The following ANO2 variants were observed in gnomAD, a reference collection of about 807,000 sequenced individuals.
The protein encoded by ANO2 is anoctamin-2.
A neutral mutation model predicts 124.2 loss-of-function variants in ANO2; 101 were observed. That is an observed-to-expected ratio of 0.81 (90% confidence interval 0.69 to 0.96). The LOEUF is 0.96. Among genes scored for constraint, ANO2 ranks in the 40% least tolerant of loss-of-function variants. ANO2 has a pLI of 0.00. For missense variants in ANO2, 1,293 were observed against 1,274.5 expected, an observed-to-expected ratio of 1.01 and a Z score of -0.22; for synonymous variants, 486 against 482.5, an observed-to-expected ratio of 1.01 and a Z score of -0.09.
At chr12:5,807,541 AC>A (rs1953239055) in intron 7 of ANO2, among the ~76,000 whole-genome samples, 173 bp from the exon 8 acceptor site, 1 of 152,212 alleles carries the variant, frequency 6.6e-6, no homozygotes, top group Admixed American at 6.5e-5. Context: ...TAGTATAAGA[AC>A]AATATTGTTT....
At chr12:5,629,097 AC>A (rs1287932906) in intron 16 of ANO2, among the ~76,000 whole-genome samples, 2 of 151,672 alleles carry the variant, frequency 1.3e-5, no homozygotes, top group African/African-American at 4.8e-5. Context: ...CTTGACTAAT[AC>A]TCTTTTTTCA....
intron 15 of ANO2, among the ~76,000 whole-genome samples, chr12:5,644,445 T>TCTTA (rs112842024): frequency 0.023 from 3,434 of 152,354 alleles, 131 homozygotes; most frequent in African/African-American, 0.079. Flanking sequence ...TCTTGACTAT[T>TCTTA]CTTAGCCTTT....
At chr12:5,870,045 T>C (rs1214824498) in intron 3 of ANO2, among the ~76,000 whole-genome samples, 1 of 152,028 alleles carries the variant, frequency 6.6e-6, no homozygotes, top group Non-Finnish European at 1.5e-5. Context: ...TCTCAGGAGA[T>C]GAAGAGAGTA....
At chr12:5,717,627 A>G (rs1168474592) in intron 14 of ANO2, among the ~76,000 whole-genome samples, 1 of 152,208 alleles carries the variant, frequency 6.6e-6, no homozygotes, top group Non-Finnish European at 1.5e-5. Context: ...TAGCACCTCC[A>G]CTGACCCTAT....
intron 10 of ANO2, among the ~76,000 whole-genome samples, chr12:5,789,750 C>A (rs1202683573): frequency 6.6e-6 from 1 of 152,152 alleles, no homozygotes; most frequent in African/African-American, 2.4e-5. Context: ...TGTGGTTTTC[C>A]ATTTCTAAAA....
intron 16 of ANO2, among the ~76,000 whole-genome samples, chr12:5,621,938 C>CT (rs917760434): frequency 2.0e-5 from 3 of 151,860 alleles, no homozygotes; most frequent in South Asian, 2.1e-4. Flanking sequence ...TTTCTTTTTC[C>CT]TTTTTTCAAT....
intron 7 of ANO2, among the ~76,000 whole-genome samples, chr12:5,817,860 A>G (rs1374432096): frequency 1.3e-5 from 2 of 152,236 alleles, no homozygotes; most frequent in Non-Finnish European, 2.9e-5. Context: ...TAGAGAGTGC[A>G]AAAGCCAAAG....
intron 15 of ANO2, among the ~76,000 whole-genome samples, chr12:5,639,272 C>T (rs1946208913): frequency 6.6e-6 from 1 of 152,172 alleles, no homozygotes; most frequent in Admixed American, 6.5e-5. Flanking sequence ...CACACACTAG[C>T]AACTTCATCA....
At chr12:5,945,512 C>T (rs556067241), upstream of ANO2, among the ~76,000 whole-genome samples, 1 of 152,362 alleles carries the variant, frequency 6.6e-6, no homozygotes, top group African/African-American at 2.4e-5. Context: ...AGGGGCGAGA[C>T]AGTAAACGCT....
At chr12:5,849,829 G>A (rs922448039) in intron 4 of ANO2, among the ~76,000 whole-genome samples, 1 of 152,028 alleles carries the variant, frequency 6.6e-6, no homozygotes, top group Non-Finnish European at 1.5e-5. Flanking sequence ...CGCTCCCCTC[G>A]CCGCCAGGAT....
chr12:5,620,868 T>C (rs1044471417), intron 16 of ANO2, among the ~76,000 whole-genome samples: 3 of 152,164 alleles, frequency 2.0e-5, no homozygotes, highest in Non-Finnish European at 4.4e-5. Flanking sequence ...ATTTCTTCTA[T>C]AGTTATGTAT....
chr12:5,725,775 C>T (rs1950413981), intron 14 of ANO2, among the ~76,000 whole-genome samples: 2 of 151,998 alleles, frequency 1.3e-5, no homozygotes, highest in Admixed American at 1.3e-4. Flanking sequence ...CTCTCTACTG[C>T]CTCACTGTCC....
At chr12:5,788,787 G>C (rs1952614865) in intron 10 of ANO2, among the ~76,000 whole-genome samples, 1 of 152,180 alleles carries the variant, frequency 6.6e-6, no homozygotes. Flanking sequence ...TCAAACTCCT[G>C]ACCTCAGGTG....
At chr12:5,612,172 C>G (rs1050863597) in intron 19 of ANO2, among the ~76,000 whole-genome samples, 2 of 152,054 alleles carry the variant, frequency 1.3e-5, no homozygotes, top group Non-Finnish European at 2.9e-5. Context: ...TTCATAAAAC[C>G]CTGGGGAGCA....
intron 7 of ANO2, among the ~76,000 whole-genome samples, chr12:5,811,503 C>CCAAA (rs1953389528): frequency 6.6e-6 from 1 of 151,812 alleles, no homozygotes; most frequent in South Asian, 2.1e-4. Context: ...GGGGAGGTTC[C>CCAAA]CAAAGAATAC....
intron 3 of ANO2, among the ~76,000 whole-genome samples, chr12:5,885,680 T>G (rs1012551850): frequency 6.6e-6 from 1 of 152,194 alleles, no homozygotes; most frequent in African/African-American, 2.4e-5. Context: ...GCAACGTTAC[T>G]AGCTAGCCCC....
chr12:5,584,943 T>C (rs539099751), intron 20 of ANO2, among the ~76,000 whole-genome samples: 1 of 152,264 alleles, frequency 6.6e-6, no homozygotes, highest in African/African-American at 2.4e-5. Flanking sequence ...ACCATGTGCA[T>C]TGCTAAATAC....
intron 13 of ANO2, among the ~76,000 whole-genome samples, chr12:5,736,511 C>T (rs1950870749): frequency 6.6e-6 from 1 of 152,172 alleles, no homozygotes. Flanking sequence ...ATAGAAAAAA[C>T]TTCTAATCAT....
intron 11 of ANO2, among the ~76,000 whole-genome samples, chr12:5,749,945 T>C (rs1396935404): frequency 6.6e-6 from 1 of 151,868 alleles, no homozygotes; most frequent in African/African-American, 2.4e-5. Flanking sequence ...TTTTTTTTTT[T>C]CAGAGGGGTC....
Sources: allele counts gnomAD v4.1 joint callset (sites outside exome capture counted in the v4.1 genomes callset), GRCh38; gene constraint gnomAD v4.1.1; transcripts MANE v1.5; gene names NCBI Gene and HGNC (gene_info 2026-07-23, HGNC 2026-07-21).